The following HECTD4 variants were observed in gnomAD, a reference collection of about 807,000 sequenced individuals.
HECTD4 encodes probable E3 ubiquitin-protein ligase HECTD4.
In HECTD4, 114 loss-of-function variants were observed where a neutral mutation model predicts 471.5. That is an observed-to-expected ratio of 0.24 (90% confidence interval 0.21 to 0.28). The LOEUF (loss-of-function observed/expected upper bound fraction) is 0.28. HECTD4 is among the 10% of genes least tolerant of loss of function. The pLI is 1.00. For synonymous variants in HECTD4, 2,012 were observed against 2,256.0 expected, an observed-to-expected ratio of 0.89 and a Z score of 3.07; for missense variants, 3,866 against 5,651.5, an observed-to-expected ratio of 0.68 and a Z score of 10.13.
intron 14 of HECTD4, 58 bp from the exon 15 acceptor site, chr12:112,266,041 C>A (rs2034263770): frequency 2.4e-5 from 29 of 1,226,240 alleles, no homozygotes; most frequent in Non-Finnish European, 3.3e-5. Context: ...AATACTGATG[C>A]TATTTTTAAA....
At chr12:112,169,711 C>A (rs1481166619) in intron 69 of HECTD4, 53 bp from the exon 70 acceptor site, 1 of 1,604,468 alleles carries the variant, frequency 6.2e-7, no homozygotes, top group Admixed American at 1.7e-5. Flanking sequence ...GCCCTCTCCC[C>A]TCCCCTTGAG....
rs1374797544 is a variant in HECTD4, at chr12:112,179,841, C to A, written c.10988-444G>T. 6.6e-6 allele frequency among the ~76,000 whole-genome samples: 1 copy of A among 152,180 alleles called. No homozygotes were observed. The highest frequency in any genetic ancestry group is 6.5e-5 in the Admixed American group (1 of 15,288). The stretch of plus-strand genomic sequence containing the variant: ...ATAATCCCAGAGGATAGATAGCCAG[C>A]AAGTATTTTTAGTGGGAAGTACAAC... On this transcript the variant is annotated intron_variant, in intron 62 of 75. Transcript: ENST00000682272. This position sits in a 1 kb window ranked among gnomAD's most constrained non-coding sequence, Gnocchi z 4.3.
At chr12:112,259,016 G>C in intron 19 of HECTD4, 96 bp downstream of exon 19, 6 of 1,084,080 alleles carry the variant, frequency 5.5e-6, no homozygotes, top group South Asian at 1.7e-5. Context: ...CTGAAAGGCA[G>C]GATTATGTTT....
intron 1 of HECTD4, among the ~76,000 whole-genome samples, chr12:112,326,445 A>G (rs1272539740): frequency 6.6e-6 from 1 of 152,310 alleles, no homozygotes; most frequent in Non-Finnish European, 1.5e-5. Context: ...GTGAGCTATG[A>G]TTGCACCACT....
intron 60 of HECTD4, among the ~76,000 whole-genome samples, chr12:112,187,622 CTTTTTT>C (rs150976845): frequency 1.2e-5 from 1 of 85,960 alleles, no homozygotes; most frequent in African/African-American, 5.3e-5. Context: ...GTTTCCTTTC[CTTTTTT>C]TTTTTTTTTT....
intron 1 of HECTD4, among the ~76,000 whole-genome samples, chr12:112,330,105 C>T (rs1198996814): frequency 6.6e-6 from 1 of 151,918 alleles, no homozygotes; most frequent in Non-Finnish European, 1.5e-5. Context: ...AGTGAAACCC[C>T]ATCTCTATTA....
At position 112,277,230 on chromosome 12, in the gene HECTD4, T is replaced by A. The variant is rs11066229; in HGVS notation, c.1687+1998A>T. 0.056 allele frequency among the ~76,000 whole-genome samples: 8,477 copies of A among 152,268 alleles called. 1,291 individuals are homozygous for A. In the East Asian group the frequency reaches 0.61, roughly 11 times the overall value. ...AAACAAAATGGGATATTATCCACACTATGAAATATAATTCAACCATAAAAA... is the reference window on the plus strand; with the variant it reads ...AAACAAAATGGGATATTATCCACACAATGAAATATAATTCAACCATAAAAA... On this transcript the variant is annotated intron_variant, in intron 9 of 75. Coordinates refer to ENST00000682272, the MANE Select transcript of HECTD4 (RefSeq NM_001388303.1).
At chr12:112,241,156 T>C (rs2135577617) in intron 32 of HECTD4, among the ~76,000 whole-genome samples, 1 of 152,348 alleles carries the variant, frequency 6.6e-6, no homozygotes, top group African/African-American at 2.4e-5. Flanking sequence ...TGATTTTCAT[T>C]GTATTTTTTG....
rs534084345 is a variant in HECTD4, at chr12:112,292,984, T to C, written c.1336-9682A>G. ...TTGCAGTGAGCTGAGATCACACCAT[T>C]GCACTCCAGCCTGGGCAGCAATGAG... On this transcript the variant is annotated intron_variant, in intron 7 of 75. Coordinates refer to ENST00000682272, the MANE Select transcript of HECTD4 (RefSeq NM_001388303.1). 2.6e-5 allele frequency among the ~76,000 whole-genome samples: 4 copies of C among 151,348 alleles called. No homozygotes were observed. In the East Asian group the frequency reaches 7.8e-4, roughly 30 times the overall value.
intron 8 of HECTD4, among the ~76,000 whole-genome samples, chr12:112,280,662 C>T (rs1179026238): frequency 6.6e-6 from 1 of 151,360 alleles, no homozygotes; most frequent in East Asian, 1.9e-4. Flanking sequence ...GGTAAGAAAC[C>T]TAAAGACAGC....
chr12:112,260,828 C>A (rs1447492843), intron 18 of HECTD4, among the ~76,000 whole-genome samples: 3 of 150,642 alleles, frequency 2.0e-5, no homozygotes, highest in Non-Finnish European at 4.4e-5. Context: ...GGCTTTATTA[C>A]TGTGAAAGAG....
chr12:112,323,043 A>C (rs564641064), intron 1 of HECTD4: 31 of 211,768 alleles, frequency 1.5e-4, no homozygotes, highest in African/African-American at 7.1e-4. Context: ...GAAAAGATGC[A>C]AGGAACTTGC....
chr12:112,357,005 G>T (rs1453573298), intron 1 of HECTD4, among the ~76,000 whole-genome samples: 1 of 152,140 alleles, frequency 6.6e-6, no homozygotes, highest in African/African-American at 2.4e-5. Flanking sequence ...GAGAGGCATT[G>T]TTCTGTACGG....
At chr12:112,249,990 T>C (rs1313299587) in intron 25 of HECTD4, 154 bp downstream of exon 25, 3 of 646,326 alleles carry the variant, frequency 4.6e-6, no homozygotes, top group Middle Eastern at 8.5e-4. Context: ...GAATACTGCC[T>C]GGTGGGCCCT....
At chr12:112,198,868 T>G (rs1341228510) in intron 55 of HECTD4, among the ~76,000 whole-genome samples, 1 of 152,158 alleles carries the variant, frequency 6.6e-6, no homozygotes, top group African/African-American at 2.4e-5. Flanking sequence ...GCACTGCTTA[T>G]GATACTAGTG....
chr12:112,195,273 A>G (rs2032202583), intron 55 of HECTD4, among the ~76,000 whole-genome samples: 1 of 152,258 alleles, frequency 6.6e-6, no homozygotes, highest in Non-Finnish European at 1.5e-5. Context: ...AGCTCAAAAA[A>G]GCACTGTAGG....
intron 73 of HECTD4, 49 bp downstream of exon 73, chr12:112,164,060 G>C: frequency 7.3e-7 from 1 of 1,379,200 alleles, no homozygotes; most frequent in South Asian, 1.7e-5. Context: ...TACCCTGGCT[G>C]GCTGGCCGGG....
At chr12:112,306,284 A>G in intron 6 of HECTD4, 50 bp from the exon 7 acceptor site, 1 of 1,357,196 alleles carries the variant, frequency 7.4e-7, no homozygotes, top group Admixed American at 3.4e-5. Flanking sequence ...ATAAATTCTG[A>G]TTAATCCTAT....
intron 2 of HECTD4, among the ~76,000 whole-genome samples, chr12:112,318,334 A>G (rs143725140): frequency 6.6e-6 from 1 of 152,214 alleles, no homozygotes; most frequent in East Asian, 1.9e-4. Flanking sequence ...CATATTTCCT[A>G]TTGATAGTGG....
Sources: gnomAD v4.1 joint callset for allele counts (sites outside exome capture counted in the v4.1 genomes callset) on GRCh38, gnomAD v4.1.1 for gene constraint, Gnocchi (gnomAD v3.1) non-coding constraint, MANE v1.5 for transcripts, NCBI Gene and HGNC (gene_info 2026-07-23, HGNC 2026-07-21) for gene names.